GRIP1: variants seen among roughly 807,000 people sequenced by gnomAD.
GRIP1 encodes glutamate receptor interacting protein 1.
A neutral mutation model predicts 129.9 loss-of-function variants in GRIP1; 45 were observed. That is an observed-to-expected ratio of 0.35 (90% confidence interval 0.27 to 0.44). The LOEUF (loss-of-function observed/expected upper bound fraction) is 0.44, where lower values mean the gene tolerates loss of function less well. Ranked by LOEUF, GRIP1 falls within the 20% of genes least tolerant of loss-of-function variation. GRIP1 has a pLI of 1.00. For missense variants in GRIP1, 1,196 were observed against 1,396.8 expected (o/e 0.86, Z 2.29); for synonymous variants, 530 against 520.8 (o/e 1.02, Z -0.24).
At chr12:66,842,011 C>T (rs2039726838) in intron 1 of GRIP1, among the ~76,000 whole-genome samples, 1 of 152,238 alleles carries the variant, frequency 6.6e-6, no homozygotes, top group South Asian at 2.1e-4. Flanking sequence ...GATTTATCTA[C>T]CCTTGCCCCT....
chr12:66,371,364 G>A (rs1158150082), intron 23 of GRIP1, among the ~76,000 whole-genome samples: 1 of 152,002 alleles, frequency 6.6e-6, no homozygotes, highest in Non-Finnish European at 1.5e-5. Flanking sequence ...TCACCATGTT[G>A]GCCAGGCTGG....
chr12:66,668,143 A>AT (rs1451829831), intron 1 of GRIP1, among the ~76,000 whole-genome samples: 2 of 152,214 alleles, frequency 1.3e-5, no homozygotes, highest in African/African-American at 4.8e-5. Flanking sequence ...CCTGATATAG[A>AT]TTTTAACATT....
intron 7 of GRIP1, among the ~76,000 whole-genome samples, chr12:66,489,285 G>A (rs1472308552): frequency 6.6e-6 from 1 of 152,174 alleles, no homozygotes; most frequent in Non-Finnish European, 1.5e-5. Flanking sequence ...CCATGATCAA[G>A]TTGGCTTCAT....
chr12:66,406,620 A>C (rs2057199371), intron 15 of GRIP1, among the ~76,000 whole-genome samples, 192 bp from the exon 16 acceptor site: 1 of 152,208 alleles, frequency 6.6e-6, no homozygotes, highest in Admixed American at 6.5e-5. Flanking sequence ...ATGATATTAA[A>C]TTGCAGAGTA....
intron 1 of GRIP1, among the ~76,000 whole-genome samples, chr12:67,008,756 T>C (rs1481478720): frequency 3.3e-5 from 5 of 152,194 alleles, no homozygotes; most frequent in East Asian, 1.9e-4. Flanking sequence ...AAAGAAACTA[T>C]AGATGCTATT....
At chr12:66,515,258 C>T (rs1004486454) in intron 7 of GRIP1, among the ~76,000 whole-genome samples, 1 of 151,618 alleles carries the variant, frequency 6.6e-6, no homozygotes, top group African/African-American at 2.4e-5. Flanking sequence ...CTGTCAGTCT[C>T]TATGTAATAA....
chr12:66,810,624 C>T (rs1484942488), intron 1 of GRIP1, among the ~76,000 whole-genome samples: 5 of 151,966 alleles, frequency 3.3e-5, no homozygotes, highest in Non-Finnish European at 7.4e-5. Flanking sequence ...ATAAATTTTC[C>T]GTTTGTAACC....
At chr12:66,477,107 A>C (rs1318828432) in intron 7 of GRIP1, among the ~76,000 whole-genome samples, 2 of 152,208 alleles carry the variant, frequency 1.3e-5, no homozygotes, top group Admixed American at 6.5e-5. Flanking sequence ...TGCAGATGAC[A>C]TGATTGTATA....
At chr12:66,766,467 C>T (rs1329639539) in intron 1 of GRIP1, among the ~76,000 whole-genome samples, 18 of 152,196 alleles carry the variant, frequency 1.2e-4, no homozygotes, top group Admixed American at 1.2e-3. Flanking sequence ...TCACACTGTA[C>T]TTTGAGGTCA....
chr12:67,034,526 A>G (rs1197546396), intron 1 of GRIP1, among the ~76,000 whole-genome samples: 1 of 152,240 alleles, frequency 6.6e-6, no homozygotes, highest in African/African-American at 2.4e-5. Flanking sequence ...AAAAGGTACA[A>G]TATAAATAGA....
chr12:66,523,638 C>A (rs1449214554), intron 5 of GRIP1, among the ~76,000 whole-genome samples: 1 of 151,120 alleles, frequency 6.6e-6, no homozygotes, highest in Admixed American at 6.6e-5. Flanking sequence ...GCAAAATCAC[C>A]AGCTAACATC....
Position 66,862,769 on chromosome 12 carries a change from A to C in GRIP1, c.58+206281T>G, listed in dbSNP as rs541904303. Among the ~76,000 whole-genome samples, 4 of 152,180 alleles carry C rather than the reference A, an allele frequency of 2.6e-5. No individual in the cohort carries two copies. The South Asian group carries it at 8.3e-4, about 32-fold the overall frequency. On this transcript the variant is annotated intron_variant, in intron 1 of 1. Transcript: ENST00000643019. ...TCCCATCTATAAATTTCCATGCCTA[A>C]GGGCCCTGCTGTACTGGCAGAGAGA...
intron 1 of GRIP1, among the ~76,000 whole-genome samples, chr12:67,048,656 C>T (rs1312126855): frequency 2.0e-5 from 3 of 152,042 alleles, no homozygotes; most frequent in African/African-American, 7.2e-5. Flanking sequence ...AGTTGTAACT[C>T]CCATAATTCC....
chr12:66,484,115 T>G (rs980208008), intron 7 of GRIP1, among the ~76,000 whole-genome samples: 12 of 152,094 alleles, frequency 7.9e-5, no homozygotes, highest in Non-Finnish European at 1.2e-4. Context: ...CGCCTCGGCC[T>G]CCCAAAGTGC....
At chr12:66,916,371 T>C (rs934328051) in intron 1 of GRIP1, among the ~76,000 whole-genome samples, 2 of 152,158 alleles carry the variant, frequency 1.3e-5, no homozygotes, top group Non-Finnish European at 2.9e-5. Flanking sequence ...CTGGTGTTCA[T>C]GCTCCCTTCC....
At chr12:66,921,632 G>C (rs1007779539) in intron 1 of GRIP1, among the ~76,000 whole-genome samples, 1 of 152,118 alleles carries the variant, frequency 6.6e-6, no homozygotes, top group South Asian at 2.1e-4. Flanking sequence ...TGTACACTGG[G>C]GGTAGAACAT....
At chr12:66,703,675 G>T (rs1353135925) in intron 1 of GRIP1, among the ~76,000 whole-genome samples, 1 of 152,110 alleles carries the variant, frequency 6.6e-6, no homozygotes, top group East Asian at 1.9e-4. Flanking sequence ...CTGGTGAAGG[G>T]TGGAACACTC....
At chr12:66,801,505 A>C (rs1344110536) in intron 1 of GRIP1, among the ~76,000 whole-genome samples, 1 of 152,142 alleles carries the variant, frequency 6.6e-6, no homozygotes, top group Non-Finnish European at 1.5e-5. Context: ...TCTGGCATTT[A>C]ACAAGATTAT....
intron 1 of GRIP1, among the ~76,000 whole-genome samples, chr12:67,055,372 C>G (rs1233644833): frequency 2.7e-5 from 4 of 145,810 alleles, no homozygotes; most frequent in African/African-American, 1.1e-4. Context: ...TTAGGCTTCA[C>G]AGCAGTGAAG....
Sources: allele counts gnomAD v4.1 joint callset (sites outside exome capture counted in the v4.1 genomes callset), GRCh38; gene constraint gnomAD v4.1.1; transcripts MANE v1.5; gene names NCBI Gene and HGNC (gene_info 2026-07-23, HGNC 2026-07-21).